Variants in DAAM1 observed in about 807,000 individuals in gnomAD.
The protein encoded by DAAM1 is dishevelled associated activator of morphogenesis 1.
Under a neutral mutation model 130.0 loss-of-function variants are expected in DAAM1, and 52 were observed. The ratio of observed to expected loss-of-function variants is 0.40; its 90% CI spans 0.32 to 0.50. DAAM1 has a LOEUF of 0.50. DAAM1 is among the 20% of genes least tolerant of loss of function. The pLI is 0.61. For missense variants in DAAM1, 1,134 were observed against 1,303.8 expected, an observed-to-expected ratio of 0.87 and a Z score of 2.01; for synonymous variants, 452 against 444.5, an observed-to-expected ratio of 1.02 and a Z score of -0.21.
chr14:59,251,780 A>T (rs923321372), intron 1 of DAAM1, among the ~76,000 whole-genome samples: 2 of 152,122 alleles, frequency 1.3e-5, no homozygotes, highest in Non-Finnish European at 2.9e-5. Flanking sequence ...TTGAACATCC[A>T]TTATGTAAAA....
At position 59,368,845 on chromosome 14, in the gene DAAM1, A is replaced by AAACTT. The variant is rs745405712; in HGVS notation, c.3196_3200dup (p.Phe1068LeufsTer7). 3.1e-6 allele frequency: 5 copies of AAACTT among 1,613,230 alleles called. No homozygotes were observed. Among genetic ancestry groups the AAACTT allele is most frequent in the African/African-American group, 1.3e-5 (1 of 74,938 alleles). On this transcript the variant is annotated frameshift_variant, in exon 25 of 25. Coordinates refer to ENST00000360909, the MANE Select transcript of DAAM1 (RefSeq NM_001270520.2). LOFTEE classifies it high-confidence loss of function. ...CAGCAGCAGAGAGAGACCAATCACAAAACTTAATTTCTAATTTTCCATGAA... is the reference window on the plus strand; with the variant it reads ...CAGCAGCAGAGAGAGACCAATCACAAAACTTAACTTAATTTCTAATTTTCCATGAA...
At chr14:59,365,748 A>G (rs1886890454) in intron 23 of DAAM1, among the ~76,000 whole-genome samples, 1 of 152,224 alleles carries the variant, frequency 6.6e-6, no homozygotes, top group African/African-American at 2.4e-5. Context: ...TAAACACAGC[A>G]TGGTCTAAAT....
intron 2 of DAAM1, among the ~76,000 whole-genome samples, chr14:59,267,312 G>A (rs1056217559): frequency 4.6e-5 from 7 of 152,078 alleles, no homozygotes; most frequent in African/African-American, 7.2e-5. Context: ...TACTGCAACC[G>A]TATCACCTCA....
intron 17 of DAAM1, among the ~76,000 whole-genome samples, chr14:59,349,888 G>A (rs1165859713): frequency 6.6e-6 from 1 of 152,044 alleles, no homozygotes; most frequent in Non-Finnish European, 1.5e-5. Flanking sequence ...TCTGAACAGG[G>A]GACAAGTGGG....
chr14:59,240,500 T>C (rs989642850), intron 1 of DAAM1, among the ~76,000 whole-genome samples: 8 of 152,072 alleles, frequency 5.3e-5, no homozygotes, highest in African/African-American at 1.9e-4. Context: ...GTTCAAGGGG[T>C]ATTTGACTGA....
intron 1 of DAAM1, among the ~76,000 whole-genome samples, chr14:59,240,845 G>A (rs1046526986): frequency 6.6e-6 from 1 of 152,246 alleles, no homozygotes; most frequent in African/African-American, 2.4e-5. Context: ...TCCATCTCTG[G>A]ATGGAGAGGC....
At chr14:59,228,693 C>T (rs1330295214) in intron 1 of DAAM1, among the ~76,000 whole-genome samples, 2 of 152,148 alleles carry the variant, frequency 1.3e-5, no homozygotes, top group African/African-American at 2.4e-5. Flanking sequence ...TTTTCTTATT[C>T]TCCACTCAGA....
intron 19 of DAAM1, among the ~76,000 whole-genome samples, chr14:59,354,293 C>G (rs902866292): frequency 4.6e-5 from 7 of 152,220 alleles, no homozygotes; most frequent in Non-Finnish European, 1.0e-4. Context: ...ATCTCCTGAC[C>G]TCGTGATCTG....
At chr14:59,214,145 G>A (rs2139416136) in intron 1 of DAAM1, among the ~76,000 whole-genome samples, 1 of 152,334 alleles carries the variant, frequency 6.6e-6, no homozygotes, top group East Asian at 1.9e-4. Flanking sequence ...GAAGATTGGG[G>A]CTGTAGCTGA....
intron 2 of DAAM1, among the ~76,000 whole-genome samples, chr14:59,286,611 C>A (rs34529198): frequency 0.32 from 49,152 of 151,648 alleles, 9,374 homozygotes; most frequent in East Asian, 0.56. Flanking sequence ...TACAACTGAC[C>A]CCACGGAAAC....
chr14:59,297,343 C>A (rs1883992555), intron 3 of DAAM1, among the ~76,000 whole-genome samples: 1 of 152,188 alleles, frequency 6.6e-6, no homozygotes, highest in Non-Finnish European at 1.5e-5. Flanking sequence ...TGGAACATTC[C>A]TATTCCAGAA....
At chr14:59,199,903 G>A (rs1888045795) in intron 1 of DAAM1, among the ~76,000 whole-genome samples, 1 of 152,122 alleles carries the variant, frequency 6.6e-6, no homozygotes, top group Admixed American at 6.5e-5. Context: ...ATTGCCAAAT[G>A]TCCCCTGGGG....
chr14:59,325,443 C>T (rs948728340), intron 8 of DAAM1, among the ~76,000 whole-genome samples: 6 of 152,150 alleles, frequency 3.9e-5, no homozygotes, highest in Non-Finnish European at 5.9e-5. Flanking sequence ...TGCTAGGCAT[C>T]GTAGACTTTT....
At chr14:59,330,732 C>G in intron 13 of DAAM1, 44 bp downstream of exon 13, 1 of 1,550,562 alleles carries the variant, frequency 6.4e-7, no homozygotes, top group Non-Finnish European at 8.7e-7. Context: ...CAAGGCCTCA[C>G]TGACCCTAGA....
At chr14:59,210,362 G>C (rs1184202887) in intron 1 of DAAM1, among the ~76,000 whole-genome samples, 1 of 151,936 alleles carries the variant, frequency 6.6e-6, no homozygotes, top group Non-Finnish European at 1.5e-5. Context: ...TTCCTCCCTA[G>C]GTCATTTATA....
intron 16 of DAAM1, among the ~76,000 whole-genome samples, chr14:59,340,522 CACAGAATCAGGACCA>C (rs1283421425): frequency 6.6e-6 from 1 of 152,216 alleles, no homozygotes; most frequent in Non-Finnish European, 1.5e-5. Context: ...GTAGCATTGT[CACAGAATCAGGACCA>C]ACAGATGAAG....
At chr14:59,330,308 C>T (rs949244755) in intron 12 of DAAM1, among the ~76,000 whole-genome samples, 193 bp from the exon 13 acceptor site, 1 of 152,034 alleles carries the variant, frequency 6.6e-6, no homozygotes, top group Non-Finnish European at 1.5e-5. Flanking sequence ...TAACATTGTT[C>T]ATCCGAAGCC....
intron 1 of DAAM1, among the ~76,000 whole-genome samples, chr14:59,253,273 G>A (rs1000672060): frequency 6.6e-6 from 1 of 152,190 alleles, no homozygotes; most frequent in Non-Finnish European, 1.5e-5. Context: ...AACTTGTGTT[G>A]CAATTCTGCG....
intron 23 of DAAM1, 89 bp from the exon 24 acceptor site, chr14:59,367,340 A>G (rs1886959078): frequency 1.3e-6 from 2 of 1,500,898 alleles, no homozygotes; most frequent in Non-Finnish European, 1.8e-6. Flanking sequence ...CGTTTGACTC[A>G]ATCTGGGCTT....
Sources: gnomAD v4.1 joint callset for allele counts (sites outside exome capture counted in the v4.1 genomes callset) on GRCh38, gnomAD v4.1.1 for gene constraint, MANE v1.5 for transcripts, NCBI Gene and HGNC (gene_info 2026-07-23, HGNC 2026-07-21) for gene names.